NMNAT3: variants seen among roughly 807,000 people sequenced by gnomAD.
The protein encoded by NMNAT3 is nicotinamide/nicotinic acid mononucleotide adenylyltransferase 3.
A neutral mutation model predicts 24.8 loss-of-function variants in NMNAT3; 21 were observed. That is an observed-to-expected ratio of 0.85 (90% CI 0.60 to 1.22). The LOEUF is 1.22. NMNAT3 is among the 50% of genes most tolerant of loss of function. The pLI is 0.00. For synonymous variants in NMNAT3, 136 were observed against 155.2 expected, an observed-to-expected ratio of 0.88 and a Z score of 0.92; for missense variants, 387 against 436.6, an observed-to-expected ratio of 0.89 and a Z score of 1.01.
chr3:139,596,301 T>G (rs1013188468), intron 3 of NMNAT3, among the ~76,000 whole-genome samples: 1 of 152,164 alleles, frequency 6.6e-6, no homozygotes, highest in East Asian at 1.9e-4. Context: ...ATATACTGCC[T>G]GTGTAGTTCC....
At position 139,596,910 on chromosome 3, in the gene NMNAT3, A is replaced by G. The variant is rs1242320255; in HGVS notation, c.110-13702T>C. Among the ~76,000 whole-genome samples the G allele has an allele frequency of 2.7e-4, 14 of 51,666 alleles. 1 individual carries two copies. Among genetic ancestry groups the G allele is most frequent in the African/African-American group, 1.0e-3 (12 of 11,816 alleles). 33.9% of individuals were successfully genotyped at this position (51,666 alleles called of 152,430 possible). On this transcript the variant is annotated intron_variant, in intron 3 of 6. Transcript: ENST00000643695. ...ATCTTTTTTCCACTATATTTTTGTC[A>G]TGTGTGTATATATATATATATATAT...
intron 1 of NMNAT3, among the ~76,000 whole-genome samples, chr3:139,647,417 C>A (rs1387327499): frequency 6.6e-6 from 1 of 152,110 alleles, no homozygotes. Flanking sequence ...GTCAACAACT[C>A]CATCAAACTA....
chr3:139,618,013 A>C (rs1256350894), intron 3 of NMNAT3, among the ~76,000 whole-genome samples: 1 of 152,246 alleles, frequency 6.6e-6, no homozygotes, highest in East Asian at 1.9e-4. Flanking sequence ...CACATCCACT[A>C]CACAAATTCA....
At chr3:139,621,446 G>C (rs1006355664) in intron 3 of NMNAT3, among the ~76,000 whole-genome samples, 4 of 152,066 alleles carry the variant, frequency 2.6e-5, no homozygotes, top group Non-Finnish European at 5.9e-5. Flanking sequence ...ACATGATCTC[G>C]GCTCACTGCA....
chr3:139,590,867 T>G (rs2054130503), intron 3 of NMNAT3, among the ~76,000 whole-genome samples: 1 of 152,196 alleles, frequency 6.6e-6, no homozygotes, highest in African/African-American at 2.4e-5. Flanking sequence ...TCATAAGGGT[T>G]TTTCTTGGTC....
intron 6 of NMNAT3, chr3:139,565,615 T>G (rs1304634042): frequency 6.6e-6 from 1 of 152,090 alleles, no homozygotes; most frequent in African/African-American, 2.4e-5. Context: ...ATGCGGTGTT[T>G]GGTTTTTTGT....
At chr3:139,586,160 T>A (rs554091243) in intron 3 of NMNAT3, among the ~76,000 whole-genome samples, 1 of 152,256 alleles carries the variant, frequency 6.6e-6, no homozygotes, top group East Asian at 1.9e-4. Flanking sequence ...CACTTCTAAG[T>A]GGAAGCTAAT....
At chr3:139,653,131 T>C (rs113675959) in intron 1 of NMNAT3, among the ~76,000 whole-genome samples, 20 of 152,208 alleles carry the variant, frequency 1.3e-4, no homozygotes, top group African/African-American at 4.8e-4. Flanking sequence ...TAAATGTCAC[T>C]GTATTGGTGT....
chr3:139,593,762 A>G (rs1478252791), intron 3 of NMNAT3, among the ~76,000 whole-genome samples: 2 of 148,634 alleles, frequency 1.3e-5, no homozygotes, highest in East Asian at 3.9e-4. Flanking sequence ...TTTGAAACCA[A>G]TGAGAACAAA....
intron 1 of NMNAT3, among the ~76,000 whole-genome samples, chr3:139,670,213 C>G (rs985134296): frequency 2.0e-5 from 3 of 152,212 alleles, no homozygotes; most frequent in Non-Finnish European, 4.4e-5. Flanking sequence ...AAGAACAGTA[C>G]AGCAGACACT....
chr3:139,601,903 G>C (rs918142967), intron 3 of NMNAT3, among the ~76,000 whole-genome samples: 3 of 152,208 alleles, frequency 2.0e-5, no homozygotes, highest in Non-Finnish European at 2.9e-5. Context: ...GTAAAGCCTT[G>C]TTAATCAAAT....
intron 3 of NMNAT3, among the ~76,000 whole-genome samples, chr3:139,598,026 TGA>T (rs1212130571): frequency 1.3e-5 from 2 of 152,160 alleles, no homozygotes; most frequent in African/African-American, 4.8e-5. Flanking sequence ...ATGTCTTATC[TGA>T]AAACAAACAA....
chr3:139,631,171 G>C (rs991942783), intron 2 of NMNAT3, among the ~76,000 whole-genome samples: 4 of 152,108 alleles, frequency 2.6e-5, no homozygotes, highest in African/African-American at 9.7e-5. Flanking sequence ...AGTGGTGACT[G>C]TGCTATGTCT....
At chr3:139,597,818 T>C (rs1027092227) in intron 3 of NMNAT3, among the ~76,000 whole-genome samples, 5 of 152,190 alleles carry the variant, frequency 3.3e-5, no homozygotes, top group Admixed American at 6.5e-5. Flanking sequence ...GGGCTTGCAA[T>C]CCTCTGCCTG....
chr3:139,623,729 C>T (rs903270789), intron 3 of NMNAT3, among the ~76,000 whole-genome samples: 17 of 152,030 alleles, frequency 1.1e-4, no homozygotes, highest in African/African-American at 2.9e-4. Context: ...ATTACAGGTG[C>T]GTGCCACCAG....
At chr3:139,562,985 C>T (rs1030971704) in intron 6 of NMNAT3, among the ~76,000 whole-genome samples, 2 of 152,164 alleles carry the variant, frequency 1.3e-5, no homozygotes, top group African/African-American at 2.4e-5. Context: ...CTGGTTCTGA[C>T]GTTCAATACC....
chr3:139,569,835 C>G (rs563982278), intron 6 of NMNAT3: 11 of 152,282 alleles, frequency 7.2e-5, no homozygotes, highest in Admixed American at 6.5e-4. Flanking sequence ...AGTTGCTCTT[C>G]TCGAGAAGTA....
At chr3:139,591,239 C>T (rs2054155799) in intron 3 of NMNAT3, among the ~76,000 whole-genome samples, 1 of 151,520 alleles carries the variant, frequency 6.6e-6, no homozygotes, top group African/African-American at 2.4e-5. Flanking sequence ...TCACTCCCAC[C>T]CGAATATTGC....
At position 139,560,910 on chromosome 3, in the gene NMNAT3, A is replaced by G; in HGVS notation, c.*100T>C. 2 of 1,213,176 alleles carry G rather than the reference A, an allele frequency of 1.6e-6. No individual in the cohort carries two copies. The highest frequency in any genetic ancestry group is 1.5e-5 in the South Asian group (1 of 67,970). The allele number at this position is 1,213,176 out of a possible 1,614,324, so 75.2% of individuals were successfully genotyped here. ...AATCACTGTAGAAATAAAGCAAATG[A>G]AAAATGGAGAAGCAAAAACCAAAGT... On this transcript the variant is annotated 3_prime_UTR_variant, in exon 7 of 7. Coordinates refer to ENST00000643695, the MANE Select transcript of NMNAT3 (RefSeq NM_001320510.2).
Sources: gnomAD v4.1 joint callset for allele counts (sites outside exome capture counted in the v4.1 genomes callset) on GRCh38, gnomAD v4.1.1 for gene constraint, MANE v1.5 for transcripts, NCBI Gene and HGNC (gene_info 2026-07-23, HGNC 2026-07-21) for gene names.